Variants in EVI5 observed in about 807,000 individuals in gnomAD.
EVI5 encodes the protein ecotropic viral integration site 5 protein homolog.
EVI5 carries 73 observed loss-of-function variants against 112.0 expected under a neutral mutation model. The observed-to-expected ratio is 0.65, with a 90% CI of 0.54 to 0.79. The LOEUF (loss-of-function observed/expected upper bound fraction) is 0.79, where lower values mean the gene tolerates loss of function less well. EVI5 is among the 30% of genes least tolerant of loss of function. The probability of loss-of-function intolerance (pLI) is 0.00; values close to 1 mark genes in which losing one functional copy is unlikely to be tolerated. For synonymous variants in EVI5, 305 were observed against 319.9 expected, an observed-to-expected ratio of 0.95 and a Z score of 0.50; for missense variants, 900 against 968.8, an observed-to-expected ratio of 0.93 and a Z score of 0.94.
At position 92,704,734 on chromosome 1, in the gene EVI5, T is replaced by C; in HGVS notation, c.160A>G (p.Thr54Ala). 2.0e-6 allele frequency: 3 copies of C among 1,519,002 alleles called. No individual in the cohort carries two copies. Among genetic ancestry groups the C allele is most frequent in the Non-Finnish European group, 1.8e-6 (2 of 1,121,150 alleles). The allele number at this position is 1,519,002 out of a possible 1,614,324, so 94.1% of individuals were successfully genotyped here. The part of the protein sequence containing the change: ...KLEEQNRLLE[T>A]DSKSLRSVNG... ...ACAGATCTTAAAGACTTACTATCCG[T>C]TTCTAACAATCTAAAATATAATTAA... The change falls in exon 3 of 20, where the codon ACG becomes GCG. Residue 54 changes from threonine (T) to alanine (A), a missense_variant. Thr to Ala is a moderately conservative substitution (Grantham distance 58, BLOSUM62 0). Coordinates refer to ENST00000684568, the MANE Select transcript of EVI5 (RefSeq NM_001350197.2).
rs189585826 is a variant in EVI5 at position 92,741,560 on chromosome 1, C to T, written c.-81-4933G>A. 1.9e-4 allele frequency among the ~76,000 whole-genome samples: 29 copies of T among 152,180 alleles called. No homozygotes were observed. The East Asian group carries it at 5.0e-3, about 26-fold the overall frequency. ...AGGGCCTTCAAACAGACAGTAACTT[C>T]ATTTGATTTTATTTTAAAAAGAAAA... On this transcript the variant is annotated intron_variant, in intron 1 of 19. Coordinates refer to ENST00000684568, the MANE Select transcript of EVI5 (RefSeq NM_001350197.2).
chr1:92,742,408 C>T (rs1487086803), intron 1 of EVI5, among the ~76,000 whole-genome samples: 4 of 152,020 alleles, frequency 2.6e-5, no homozygotes, highest in Non-Finnish European at 4.4e-5. Flanking sequence ...CATGGTAGCT[C>T]ATGCCTGTAA....
chr1:92,663,873 G>A (rs1247633368), intron 11 of EVI5, among the ~76,000 whole-genome samples: 1 of 152,144 alleles, frequency 6.6e-6, no homozygotes, highest in Non-Finnish European at 1.5e-5. Flanking sequence ...TCAGCCTCCT[G>A]AGCAGCTAGG....
intron 19 of EVI5, among the ~76,000 whole-genome samples, chr1:92,531,625 G>A (rs1054196327): frequency 3.9e-5 from 6 of 152,188 alleles, no homozygotes; most frequent in East Asian, 1.9e-4. Context: ...GAGATTGGGG[G>A]CCAATATTCA....
At chr1:92,766,958 T>C (rs1233256632) in intron 1 of EVI5, among the ~76,000 whole-genome samples, 1 of 151,888 alleles carries the variant, frequency 6.6e-6, no homozygotes, top group Non-Finnish European at 1.5e-5. Context: ...GGCACACACC[T>C]GTAATCCCAG....
chr1:92,581,017 A>C (rs962060999), intron 18 of EVI5, among the ~76,000 whole-genome samples: 18 of 152,180 alleles, frequency 1.2e-4, no homozygotes, highest in African/African-American at 4.3e-4. Flanking sequence ...GCTAAATAAT[A>C]ATCAATAATA....
Position 92,542,357 on chromosome 1 carries a change from TCTA to T in EVI5, c.2166+21282_2166+21284del, listed in dbSNP as rs372914067. 7.0e-4 allele frequency among the ~76,000 whole-genome samples: 106 copies of T among 152,288 alleles called. 1 individual carries two copies. The highest frequency in any genetic ancestry group is 4.1e-3 in the South Asian group (20 of 4,828). ...CAGCAATTCAGGCACATCTTCAGGC[TCTA>T]CTACATTACTAATTCTAGTTTTCTT... On this transcript the variant is annotated intron_variant, in intron 19 of 19. Transcript: ENST00000684568.
chr1:92,534,932 C>A lies in EVI5; in HGVS notation c.2167-20962G>T, dbSNP rs960627954. On this transcript the variant is annotated intron_variant, in intron 19 of 19. Coordinates refer to ENST00000684568, the MANE Select transcript of EVI5 (RefSeq NM_001350197.2). ...GCCAAAATAGACAAATGGGATCTAA[C>A]TAAACTAAAGAGCTTCTGCACAGCA... Among the ~76,000 whole-genome samples, 2 of 151,854 alleles carry A rather than the reference C, an allele frequency of 1.3e-5. 1 individual carries two copies. Among genetic ancestry groups the A allele is most frequent in the Non-Finnish European group, 2.9e-5 (2 of 67,900 alleles).
At chr1:92,607,310 GAA>G (rs1226273427) in intron 17 of EVI5, 3 of 285,208 alleles carry the variant, frequency 1.1e-5, no homozygotes, top group African/African-American at 2.2e-5. Flanking sequence ...CCAGTCAAAA[GAA>G]AAACTGTAAA....
intron 1 of EVI5, among the ~76,000 whole-genome samples, chr1:92,765,992 A>G (rs914316505): frequency 6.6e-6 from 1 of 151,812 alleles, no homozygotes; most frequent in African/African-American, 2.4e-5. Context: ...TCCAAGTGTC[A>G]GATGTCTGAC....
chr1:92,633,031 T>C lies in EVI5; in HGVS notation c.1527+3171A>G, dbSNP rs186155696. Among the ~76,000 whole-genome samples, 4 of 152,284 alleles carry C rather than the reference T, an allele frequency of 2.6e-5. No homozygotes were observed. The East Asian group carries it at 5.8e-4, about 22-fold the overall frequency. On this transcript the variant is annotated intron_variant, in intron 14 of 19. Transcript: ENST00000684568. ...AGTTCTAGTTTGATTGCACTGTGGT[T>C]TGAGACACAGTTTGTTATAATTTCT... is the stretch of plus-strand genomic sequence containing the variant.
chr1:92,744,596 TCTCTCACACACACACA>T lies in EVI5; in HGVS notation c.-81-7985_-81-7970del, dbSNP rs879706115. On this transcript the variant is annotated intron_variant, in intron 1 of 19. Transcript: ENST00000684568. ...TAATTATGCCAAATATCTCTCTCTC[TCTCTCACACACACACA>T]CACACACACACACACACACACACAC... Among the ~76,000 whole-genome samples, 117 of 25,566 alleles carry T rather than the reference TCTCTCACACACACACA, an allele frequency of 4.6e-3. 2 individuals are homozygous for T. Among genetic ancestry groups the T allele is most frequent in the East Asian group, 0.024 (9 of 382 alleles). The allele number at this position is 25,566 out of a possible 152,430, so 16.8% of individuals were successfully genotyped here. A position where few individuals can be genotyped will look rare whatever the true frequency, so the allele number is the denominator to read the frequency against.
At chr1:92,578,249 A>AC (rs1328549403) in intron 18 of EVI5, among the ~76,000 whole-genome samples, 1 of 152,126 alleles carries the variant, frequency 6.6e-6, no homozygotes, top group African/African-American at 2.4e-5. Context: ...TAGAACTATT[A>AC]CCCCCATATG....
chr1:92,735,091 G>A (rs1364850360), intron 2 of EVI5, among the ~76,000 whole-genome samples: 2 of 152,088 alleles, frequency 1.3e-5, no homozygotes, highest in Non-Finnish European at 2.9e-5. Flanking sequence ...CCTACCATAT[G>A]ATCCAGTCAT....
At chr1:92,650,171 A>G (rs560969260) in intron 13 of EVI5, among the ~76,000 whole-genome samples, 2 of 152,272 alleles carry the variant, frequency 1.3e-5, no homozygotes, top group Admixed American at 1.3e-4. Context: ...GCCACTTGCA[A>G]TTCCATGTGA....
chr1:92,600,530 A>G (rs1448802327), intron 18 of EVI5, among the ~76,000 whole-genome samples: 1 of 152,182 alleles, frequency 6.6e-6, no homozygotes, highest in East Asian at 1.9e-4. Flanking sequence ...TGCAACAATT[A>G]GTGGTCCCCA....
intron 5 of EVI5, among the ~76,000 whole-genome samples, chr1:92,699,018 T>C (rs1157086474): frequency 6.6e-6 from 1 of 152,184 alleles, no homozygotes; most frequent in Admixed American, 6.5e-5. Flanking sequence ...GTTATACCAG[T>C]GTGTTTCAAA....
chr1:92,517,569 T>C (rs116812591), intron 19 of EVI5, among the ~76,000 whole-genome samples: 396 of 152,352 alleles, frequency 2.6e-3, no homozygotes, highest in African/African-American at 8.1e-3. Context: ...AACATCTGAC[T>C]AGTGTCTGGT....
chr1:92,735,611 A>AT, intron 2 of EVI5, among the ~76,000 whole-genome samples: 1 of 145,298 alleles, frequency 6.9e-6, no homozygotes, highest in African/African-American at 2.5e-5. Context: ...TATGTATTAT[A>AT]TATAATTATA....
Sources: allele counts gnomAD v4.1 joint callset (sites outside exome capture counted in the v4.1 genomes callset), GRCh38; gene constraint gnomAD v4.1.1; transcripts MANE v1.5; gene names NCBI Gene and HGNC (gene_info 2026-07-23, HGNC 2026-07-21).